DOCK7: variants seen among roughly 807,000 people sequenced by gnomAD.
The protein encoded by DOCK7 is dedicator of cytokinesis 7.
Under a neutral mutation model 271.0 loss-of-function variants are expected in DOCK7, and 138 were observed. The ratio of observed to expected loss-of-function variants is 0.51; its 90% CI spans 0.44 to 0.59. The LOEUF (loss-of-function observed/expected upper bound fraction) is 0.59, where lower values mean the gene tolerates loss of function less well. Ranked by LOEUF, DOCK7 falls within the 20% of genes least tolerant of loss-of-function variation. DOCK7 has a pLI of 0.00. For missense variants in DOCK7, 2,066 were observed against 2,592.4 expected (o/e 0.80, Z 4.41); for synonymous variants, 823 against 876.1 (o/e 0.94, Z 1.07).
chr1:62,599,634 C>A (rs1351209926), intron 14 of DOCK7, among the ~76,000 whole-genome samples: 1 of 151,914 alleles, frequency 6.6e-6, no homozygotes, highest in East Asian at 1.9e-4. Flanking sequence ...TTTGTATATA[C>A]TCCAGAATAT....
At chr1:62,627,397 G>C (rs2149609939) in intron 11 of DOCK7, among the ~76,000 whole-genome samples, 1 of 152,120 alleles carries the variant, frequency 6.6e-6, no homozygotes, top group East Asian at 1.9e-4. Flanking sequence ...AAAAGAGAAA[G>C]AAATAAAAGG....
chr1:62,481,788 C>G (rs1646134481), intron 43 of DOCK7: 1 of 152,178 alleles, frequency 6.6e-6, no homozygotes, highest in Admixed American at 6.5e-5. Flanking sequence ...TATCATAAAT[C>G]TATTTTAGTT....
chr1:62,492,741 A>G lies in DOCK7; in HGVS notation c.5324T>C (p.Val1775Ala). 1 of 1,614,128 alleles carries G rather than the reference A, an allele frequency of 6.2e-7. No individual in the cohort carries two copies. The highest frequency in any genetic ancestry group is 8.5e-7 in the Non-Finnish European group (1 of 1,179,996). The change falls in exon 41 of 50, where the codon GTG becomes GCG. Residue 1775 changes from valine (V) to alanine (A), a missense_variant. Physicochemically the swap from Val to Ala is moderately conservative, Grantham distance 64. Transcript: ENST00000635253. ...AGCAGCTGCTTGTTCCAGTAATCCC[A>G]CAAGTCCTGACTCAGTAAAGTATTT... ...SGKYFTESGL[V>A]GLLEQAAASF...
intron 28 of DOCK7, among the ~76,000 whole-genome samples, chr1:62,536,984 C>T (rs1557682830): frequency 6.6e-6 from 1 of 152,164 alleles, no homozygotes; most frequent in African/African-American, 2.4e-5. Flanking sequence ...AGTCAAGTGC[C>T]ACCCACTGAA....
At chr1:62,621,490 T>C (rs1455343710) in intron 12 of DOCK7, among the ~76,000 whole-genome samples, 1 of 152,198 alleles carries the variant, frequency 6.6e-6, no homozygotes, top group Non-Finnish European at 1.5e-5. Flanking sequence ...TTTATCTTAT[T>C]TGGTAATGCA....
At chr1:62,550,848 G>A (rs1645872174) in intron 22 of DOCK7, among the ~76,000 whole-genome samples, 1 of 151,782 alleles carries the variant, frequency 6.6e-6, no homozygotes, top group African/African-American at 2.4e-5. Flanking sequence ...AGCCTCCAGA[G>A]TAGCTGGGAT....
intron 1 of DOCK7, among the ~76,000 whole-genome samples, chr1:62,684,192 G>A (rs1351545889): frequency 1.3e-5 from 2 of 148,512 alleles, no homozygotes; most frequent in African/African-American, 2.5e-5. Context: ...CAGCCTGGGC[G>A]AAAGAGCAAA....
rs78016860 is a variant in DOCK7, at chr1:62,655,949, A to G, written c.145-1790T>C. Among the ~76,000 whole-genome samples the G allele has an allele frequency of 1.4e-4, 21 of 152,328 alleles. No individual in the cohort carries two copies. The East Asian group carries it at 4.0e-3, about 29-fold the overall frequency. On this transcript the variant is annotated intron_variant, in intron 2 of 49. Transcript: ENST00000635253. ...AAATATAATAGCCACAAAATGGTAG[A>G]GCAGAAATTTGAAACTGGGTTTTCG...
intron 37 of DOCK7, among the ~76,000 whole-genome samples, chr1:62,497,032 T>C (rs1236251982): frequency 1.3e-5 from 2 of 152,152 alleles, no homozygotes; most frequent in Non-Finnish European, 1.5e-5. Context: ...TTTTCTACCA[T>C]GAAATCACTC....
At chr1:62,554,138 A>T (rs1361370053) in intron 21 of DOCK7, among the ~76,000 whole-genome samples, 2 of 152,224 alleles carry the variant, frequency 1.3e-5, no homozygotes, top group African/African-American at 4.8e-5. Context: ...TATGATATAC[A>T]TACAAAAAAC....
intron 21 of DOCK7, among the ~76,000 whole-genome samples, chr1:62,554,798 C>T (rs1031125049): frequency 6.6e-6 from 1 of 152,114 alleles, no homozygotes; most frequent in Non-Finnish European, 1.5e-5. Flanking sequence ...ACATTCATGT[C>T]CTCAAGTGGT....
At chr1:62,611,026 G>A (rs1651718626) in intron 14 of DOCK7, among the ~76,000 whole-genome samples, 1 of 152,130 alleles carries the variant, frequency 6.6e-6, no homozygotes, top group African/African-American at 2.4e-5. Flanking sequence ...GTTCCTTGAG[G>A]AATCGCCACA....
In DOCK7 at chr1:62,658,840, C is replaced by CTACT. The variant is rs771899972; in HGVS notation, c.144+4181_144+4184dup. ...TGGTGGCATGCACCTGTGGTCCCAG[C>CTACT]TACTCCGATGGCTGAGGTGGGAGAA... On this transcript the variant is annotated intron_variant, in intron 2 of 49. Coordinates refer to ENST00000635253, the MANE Select transcript of DOCK7 (RefSeq NM_001367561.1). Among the ~76,000 whole-genome samples the CTACT allele has an allele frequency of 1.8e-4, 27 of 152,046 alleles. No homozygotes were observed. The South Asian group carries it at 2.1e-3, about 12-fold the overall frequency.
chr1:62,657,707 G>A (rs1255506842), intron 2 of DOCK7, among the ~76,000 whole-genome samples: 1 of 151,970 alleles, frequency 6.6e-6, no homozygotes, highest in Admixed American at 6.6e-5. Context: ...CAAAGTCTCG[G>A]CAAAGAAACA....
rs74076695 is a variant in DOCK7, at chr1:62,495,923, G to A, written c.4924-242C>T. ...CTTTCACCTGGAAACAAGCAGAACT[G>A]TAAGTAGAAATAAAACAGAGGGATA... On this transcript the variant is annotated intron_variant, in intron 38 of 49. Coordinates refer to ENST00000635253, the MANE Select transcript of DOCK7 (RefSeq NM_001367561.1). 8,547 of 405,484 alleles carry A rather than the reference G, an allele frequency of 0.021. 360 individuals carry two copies. Among genetic ancestry groups the A allele is most frequent in the African/African-American group, 0.1 (4,979 of 47,532 alleles). The allele number at this position is 405,484 out of a possible 1,614,324, so 25.1% of individuals were successfully genotyped here.
chr1:62,629,507 GT>G (rs1654357984), intron 11 of DOCK7: 1 of 152,164 alleles, frequency 6.6e-6, no homozygotes, highest in African/African-American at 2.4e-5. Context: ...AAGTCAATAT[GT>G]ATGAAATGTC....
intron 1 of DOCK7, chr1:62,687,448 T>A (rs567020542): frequency 6.6e-6 from 1 of 152,300 alleles, no homozygotes; most frequent in East Asian, 1.9e-4. Context: ...AGGATGTCAG[T>A]GTATAAAGAA....
intron 1 of DOCK7, among the ~76,000 whole-genome samples, chr1:62,664,600 T>A (rs999849500): frequency 1.3e-5 from 2 of 152,166 alleles, no homozygotes; most frequent in Non-Finnish European, 2.9e-5. Flanking sequence ...ACAATGAAAC[T>A]TTTAGTTAAT....
At chr1:62,468,156 TTC>T in intron 48 of DOCK7, among the ~76,000 whole-genome samples, 1 of 151,160 alleles carries the variant, frequency 6.6e-6, no homozygotes, top group Non-Finnish European at 1.5e-5. Flanking sequence ...AGGTCGGGAG[TTC>T]GAGACCAGCC....
Sources: allele counts gnomAD v4.1 joint callset (sites outside exome capture counted in the v4.1 genomes callset), GRCh38; gene constraint gnomAD v4.1.1; transcripts MANE v1.5; gene names NCBI Gene and HGNC (gene_info 2026-07-23, HGNC 2026-07-21).